The following ARIH1 variants were observed in gnomAD, a reference collection of about 807,000 sequenced individuals.
The protein encoded by ARIH1 is ariadne RBR E3 ubiquitin protein ligase 1, also known as E3 ubiquitin-protein ligase ARIH1.
ARIH1 carries 8 observed loss-of-function variants against 85.0 expected under a neutral mutation model. The observed-to-expected ratio is 0.09, with a 90% CI of 0.06 to 0.17. The LOEUF is 0.17. Among genes scored for constraint, ARIH1 ranks in the 10% least tolerant of loss-of-function variants. The pLI, the probability that ARIH1 is intolerant of heterozygous loss-of-function variation, is 1.00. For missense variants in ARIH1, 311 were observed against 718.1 expected, an observed-to-expected ratio of 0.43 and a Z score of 6.48; for synonymous variants, 238 against 253.6, an observed-to-expected ratio of 0.94 and a Z score of 0.59.
chr15:72,487,954 C>T (rs1387265376), intron 1 of ARIH1, among the ~76,000 whole-genome samples: 1 of 152,146 alleles, frequency 6.6e-6, no homozygotes, highest in African/African-American at 2.4e-5. Context: ...GTTTGTAATT[C>T]TTTACTGTGT....
At chr15:72,546,434 A>G (rs527926851) in intron 3 of ARIH1, among the ~76,000 whole-genome samples, 1 of 152,324 alleles carries the variant, frequency 6.6e-6, no homozygotes, top group East Asian at 1.9e-4. Flanking sequence ...TCGTAACTCT[A>G]ACGTGAAATT....
chr15:72,588,578 A>G lies in ARIH1; in HGVS notation c.*5286A>G, dbSNP rs1238843697. ...TAGTTGCAAAAAGAGAATATAGGCG[A>G]GCAACTCCAGATCATAAGGGACAAA... On this transcript the variant is annotated 3_prime_UTR_variant, in exon 14 of 14. Transcript: ENST00000379887. 1 of 152,278 alleles carries G rather than the reference A, an allele frequency of 6.6e-6. No individual in the cohort carries two copies. Among genetic ancestry groups the G allele is most frequent in the East Asian group, 1.9e-4 (1 of 5,178 alleles). The allele number at this position is 152,278 out of a possible 1,614,324, so 9.4% of individuals were successfully genotyped here. A position where few individuals can be genotyped will look rare whatever the true frequency, so the allele number is the denominator to read the frequency against.
intron 1 of ARIH1, among the ~76,000 whole-genome samples, chr15:72,482,691 A>C (rs1439556556): frequency 1.3e-5 from 2 of 152,086 alleles, no homozygotes; most frequent in Non-Finnish European, 2.9e-5. Context: ...GTTACCCCAA[A>C]ACTTAGTGGC....
chr15:72,554,507 C>T (rs940389790), intron 3 of ARIH1, among the ~76,000 whole-genome samples: 5 of 151,926 alleles, frequency 3.3e-5, no homozygotes, highest in Non-Finnish European at 5.9e-5. Context: ...CACCTCAGCT[C>T]CCCTGAGTAG....
intron 5 of ARIH1, among the ~76,000 whole-genome samples, chr15:72,560,676 G>T (rs2064193823): frequency 6.6e-6 from 1 of 152,168 alleles, no homozygotes; most frequent in Non-Finnish European, 1.5e-5. Context: ...AATGTGATAG[G>T]AGTGCACTGA....
At chr15:72,520,063 G>C (rs2063992752) in intron 2 of ARIH1, among the ~76,000 whole-genome samples, 1 of 151,972 alleles carries the variant, frequency 6.6e-6, no homozygotes, top group Admixed American at 6.6e-5. Flanking sequence ...ACTAAATTTT[G>C]TACTTTATAT....
intron 1 of ARIH1, among the ~76,000 whole-genome samples, chr15:72,502,054 C>G (rs1397085107): frequency 6.6e-6 from 1 of 152,016 alleles, no homozygotes; most frequent in Non-Finnish European, 1.5e-5. Context: ...TATTTTAAGT[C>G]TTGAGTATTT....
chr15:72,482,976 G>T (rs1178748307), intron 1 of ARIH1, among the ~76,000 whole-genome samples: 1 of 151,982 alleles, frequency 6.6e-6, no homozygotes, highest in Non-Finnish European at 1.5e-5. Context: ...GAGTAGTTGG[G>T]ACTATAGATG....
In ARIH1 at chr15:72,583,250, T is replaced by C; in HGVS notation, c.1632T>C (p.His544=). ...SRRRVLLQHV[H]EGYEKDLWEY... ...GAAGGGTTTTGTTACAGCATGTGCA[T>C]GAAGGCTATGAAAAAGATCTGTGGG... Residue 544 remains histidine (H), a synonymous_variant, in exon 14 of 14, where the codon CAT becomes CAC. Coordinates refer to ENST00000379887, the MANE Select transcript of ARIH1 (RefSeq NM_005744.5). 1 of 1,613,420 alleles carries C rather than the reference T, an allele frequency of 6.2e-7. No individual in the cohort carries two copies. The highest frequency in any genetic ancestry group is 1.7e-5 in the Admixed American group (1 of 59,998).
intron 11 of ARIH1, chr15:72,572,450 G>A (rs907967630): frequency 1.4e-4 from 30 of 207,430 alleles, no homozygotes; most frequent in African/African-American, 5.1e-4. Context: ...TCCTGACCTC[G>A]TGATCCACTG....
intron 1 of ARIH1, among the ~76,000 whole-genome samples, chr15:72,484,788 T>TAC (rs34197826): frequency 0.038 from 5,684 of 150,122 alleles, 160 homozygotes; most frequent in East Asian, 0.13. Flanking sequence ...TACATATATA[T>TAC]ACACACACAC....
At position 72,518,149 on chromosome 15, in the gene ARIH1, T is replaced by C; in HGVS notation, c.443+15T>C. The C allele has an allele frequency of 6.3e-7, 1 of 1,584,900 alleles. No individual in the cohort carries two copies. Among genetic ancestry groups the C allele is most frequent in the Non-Finnish European group, 8.6e-7 (1 of 1,156,814 alleles). ...CTAATGGAAAGGTAAGGAACTATATTGTCAGCTTTGTACTTAGAAGTAACA... is the reference window on the plus strand; with the variant it reads ...CTAATGGAAAGGTAAGGAACTATATCGTCAGCTTTGTACTTAGAAGTAACA... On this transcript the variant is annotated intron_variant, in intron 2 of 13. Coordinates refer to ENST00000379887, the MANE Select transcript of ARIH1 (RefSeq NM_005744.5).
Position 72,583,195 on chromosome 15 carries a change from T to C in ARIH1, c.1590-13T>C. The C allele has an allele frequency of 1.3e-6, 2 of 1,578,068 alleles. No individual in the cohort carries two copies. Among genetic ancestry groups the C allele is most frequent in the South Asian group, 1.2e-5 (1 of 85,920 alleles). ...CTGACAACAAGTTTTTTTTTTTTTC[T>C]CTTTGATTACAGATACTGTGAGAGT... On this transcript the variant is annotated splice_polypyrimidine_tract_variant and intron_variant, in intron 13 of 13. Coordinates refer to ENST00000379887, the MANE Select transcript of ARIH1 (RefSeq NM_005744.5).
rs190188655 is a variant in ARIH1 at position 72,483,108 on chromosome 15, C to A, written c.375+8094C>A. Among the ~76,000 whole-genome samples the A allele has an allele frequency of 4.0e-3, 602 of 152,146 alleles. 5 individuals are homozygous for A. The highest frequency in any genetic ancestry group is 0.014 in the African/African-American group (582 of 41,504). ...AACACCTTAATTCAAGGGATCTGCC[C>A]GCCTTAGCCTCCTAAAGTGCTGGGA... On this transcript the variant is annotated intron_variant, in intron 1 of 13. Transcript: ENST00000379887.
At chr15:72,558,340 G>A (rs1320840958) in intron 5 of ARIH1, among the ~76,000 whole-genome samples, 2 of 152,088 alleles carry the variant, frequency 1.3e-5, no homozygotes, top group Admixed American at 6.5e-5. Context: ...TTATTGGTTT[G>A]CCCAGGCTGG....
chr15:72,521,690 A>C (rs539448470), intron 2 of ARIH1, among the ~76,000 whole-genome samples: 21 of 152,108 alleles, frequency 1.4e-4, no homozygotes, highest in Non-Finnish European at 2.4e-4. Flanking sequence ...CTGGGGTTAC[A>C]GGCACCCACC....
intron 5 of ARIH1, among the ~76,000 whole-genome samples, chr15:72,558,295 A>G (rs1488278669): frequency 6.6e-6 from 1 of 152,110 alleles, no homozygotes; most frequent in Non-Finnish European, 1.5e-5. Flanking sequence ...AGATGATCGT[A>G]TGGTTTTTAA....
chr15:72,537,642 TC>T (rs1424185742), intron 2 of ARIH1, among the ~76,000 whole-genome samples: 2 of 152,206 alleles, frequency 1.3e-5, no homozygotes, highest in Admixed American at 6.5e-5. Context: ...TTTGACATTT[TC>T]CCTTAAATGT....
chr15:72,484,401 T>G (rs960596830), intron 1 of ARIH1, among the ~76,000 whole-genome samples: 1 of 151,874 alleles, frequency 6.6e-6, no homozygotes, highest in African/African-American at 2.4e-5. Context: ...TTTGTAGTGT[T>G]TTATCTCTCA....
Sources: gnomAD v4.1 joint callset for allele counts (sites outside exome capture counted in the v4.1 genomes callset) on GRCh38, gnomAD v4.1.1 for gene constraint, MANE v1.5 for transcripts, NCBI Gene and HGNC (gene_info 2026-07-23, HGNC 2026-07-21) for gene names.